The following PEX39 variants were observed in gnomAD, a reference collection of about 807,000 sequenced individuals.
The protein encoded by PEX39 is peroxin-39.
At chr6:42,890,490 C>T in the PEX39 span, 34 of 1,523,466 alleles carry the variant, frequency 2.2e-5, no homozygotes, top group Non-Finnish European at 2.9e-5. Context: ...ACCTCAGGGG[C>T]CCACTGTATG....
chr6:42,890,325 C>T, the PEX39 span: 1 of 570,266 alleles, frequency 1.8e-6, no homozygotes. Flanking sequence ...TTAACTGTAA[C>T]ATGGTCCACA....
the PEX39 span, chr6:42,890,431 C>T: frequency 6.8e-7 from 1 of 1,476,028 alleles, no homozygotes; most frequent in Non-Finnish European, 9.0e-7. Context: ...GAATGGCATC[C>T]CGGGTCCTGT....
the PEX39 span, chr6:42,890,472 G>C: frequency 6.7e-7 from 1 of 1,502,164 alleles, no homozygotes; most frequent in Non-Finnish European, 8.9e-7. Flanking sequence ...CGCCGCAAAG[G>C]ACCTGGAACC....
At chr6:42,890,590 C>T in the PEX39 span, 4 of 1,611,680 alleles carry the variant, frequency 2.5e-6, no homozygotes, top group Non-Finnish European at 3.4e-6. Context: ...AGGGACTCAG[C>T]CAAAGCCGCG....
chr6:42,890,408 A>T, the PEX39 span: 1 of 1,404,370 alleles, frequency 7.1e-7, no homozygotes, highest in Non-Finnish European at 9.5e-7. Context: ...GAAAGCATAA[A>T]AGATGAGTAA....
the PEX39 span, chr6:42,890,652 T>A: frequency 1.9e-6 from 3 of 1,612,748 alleles, no homozygotes; most frequent in Non-Finnish European, 2.5e-6. Flanking sequence ...GGGTTCGCCG[T>A]GGATCGCCGC....
At chr6:42,890,605 C>T in the PEX39 span, 3 of 1,612,130 alleles carry the variant, frequency 1.9e-6, no homozygotes, top group Non-Finnish European at 2.5e-6. Context: ...GCCGCGGCCT[C>T]CCAGGGCTTG....
chr6:42,890,468 A>C, the PEX39 span: 1 of 1,497,812 alleles, frequency 6.7e-7, no homozygotes, highest in Middle Eastern at 1.8e-4. Flanking sequence ...TCGCCGCCGC[A>C]AAGGACCTGG....
chr6:42,890,540 C>T, the PEX39 span: 4 of 1,583,118 alleles, frequency 2.5e-6, no homozygotes, highest in African/African-American at 1.3e-5. Flanking sequence ...CCAAGCCAGG[C>T]TCCGCCGGGG....
the PEX39 span, chr6:42,890,441 T>C: frequency 6.7e-7 from 1 of 1,489,254 alleles, no homozygotes; most frequent in South Asian, 1.4e-5. Flanking sequence ...CCGGGTCCTG[T>C]AGCCACGCCC....
chr6:42,890,786 C>T, the PEX39 span: 42,353 of 1,569,962 alleles, frequency 0.027, 670 homozygotes, highest in Middle Eastern at 0.03. Flanking sequence ...GGGGACGCTC[C>T]ATGTCGGGTC....
chr6:42,890,787 A>G, the PEX39 span: 2 of 1,569,586 alleles, frequency 1.3e-6, no homozygotes, highest in East Asian at 2.3e-5. Flanking sequence ...GGGACGCTCC[A>G]TGTCGGGTCG....
At chr6:42,890,424 T>C in the PEX39 span, 5 of 1,457,058 alleles carry the variant, frequency 3.4e-6, no homozygotes, top group East Asian at 7.2e-5. Flanking sequence ...AGTAACTGAA[T>C]GGCATCCCGG....
chr6:42,890,472 G>A, the PEX39 span: 2 of 1,502,164 alleles, frequency 1.3e-6, no homozygotes, highest in Non-Finnish European at 1.8e-6. Context: ...CGCCGCAAAG[G>A]ACCTGGAACC....
the PEX39 span, chr6:42,890,799 G>A: frequency 1.3e-6 from 2 of 1,560,778 alleles, no homozygotes; most frequent in South Asian, 2.4e-5. Flanking sequence ...GTCGGGTCGC[G>A]AATCCTGACC....
At chr6:42,890,777 G>T in the PEX39 span, 4 of 1,589,612 alleles carry the variant, frequency 2.5e-6, no homozygotes, top group Non-Finnish European at 3.4e-6. Flanking sequence ...GGGGACTGCG[G>T]GGACGCTCCA....
the PEX39 span, chr6:42,890,609 G>C: frequency 6.2e-7 from 1 of 1,612,242 alleles, no homozygotes; most frequent in African/African-American, 1.3e-5. Context: ...CGGCCTCCCA[G>C]GGCTTGGGCC....
the PEX39 span, chr6:42,890,541 T>C: frequency 1.0e-5 from 16 of 1,583,654 alleles, no homozygotes; most frequent in Non-Finnish European, 1.4e-5. Context: ...CAAGCCAGGC[T>C]CCGCCGGGGC....
the PEX39 span, chr6:42,890,326 A>G: frequency 1.0e-5 from 6 of 574,144 alleles, no homozygotes; most frequent in African/African-American, 3.9e-5. Context: ...TAACTGTAAC[A>G]TGGTCCACAA....
Sources: allele counts gnomAD v4.1 joint callset, GRCh38; gene constraint gnomAD v4.1.1; transcripts MANE v1.5; gene names NCBI Gene and HGNC (gene_info 2026-07-23, HGNC 2026-07-21).